The following ESR1 variants were observed in gnomAD, a reference collection of about 807,000 sequenced individuals.
ESR1 encodes estrogen receptor.
In ESR1, 12 loss-of-function variants were observed where a neutral mutation model predicts 52.7. The ratio of observed to expected loss-of-function variants is 0.23; its 90% CI spans 0.15 to 0.37. The LOEUF (loss-of-function observed/expected upper bound fraction) is 0.37, where lower values mean the gene tolerates loss of function less well. Among genes scored for constraint, ESR1 ranks in the 10% least tolerant of loss-of-function variants. The pLI, the probability that ESR1 is intolerant of heterozygous loss-of-function variation, is 1.00. For synonymous variants in ESR1, 305 were observed against 316.8 expected, an observed-to-expected ratio of 0.96 and a Z score of 0.39; for missense variants, 584 against 779.7, an observed-to-expected ratio of 0.75 and a Z score of 2.99.
intron 3 of ESR1, among the ~76,000 whole-genome samples, chr6:151,940,334 C>T (rs997869569): frequency 6.6e-6 from 1 of 152,222 alleles, no homozygotes; most frequent in African/African-American, 2.4e-5. Flanking sequence ...GATGGGGACA[C>T]AGCCAAACCA....
At position 152,018,262 on chromosome 6, in the gene ESR1, C is replaced by T. The variant is rs142888520; in HGVS notation, c.1235+6468C>T. On this transcript the variant is annotated intron_variant, in intron 5 of 7. Transcript: ENST00000206249. Reference sequence around the variant, plus strand: ...AAAAGTCATTCTCTACAAACAAGAACATTTTCATTTTAGGTTGTTTATTGT... The same window carrying T: ...AAAAGTCATTCTCTACAAACAAGAATATTTTCATTTTAGGTTGTTTATTGT... 8.0e-4 allele frequency among the ~76,000 whole-genome samples: 121 copies of T among 150,366 alleles called. 1 individual carries two copies. The highest frequency in any genetic ancestry group is 2.9e-3 in the African/African-American group (117 of 40,924).
chr6:151,853,320 C>A (rs1024692971), intron 2 of ESR1, among the ~76,000 whole-genome samples: 2 of 151,900 alleles, frequency 1.3e-5, no homozygotes, highest in African/African-American at 4.8e-5. Flanking sequence ...GAAAGACACA[C>A]CATGAAAGTC....
chr6:151,683,743 G>C (rs544342973), intron 1 of ESR1, among the ~76,000 whole-genome samples: 13 of 151,614 alleles, frequency 8.6e-5, no homozygotes, highest in South Asian at 4.2e-4. Context: ...CTGTCGCCCA[G>C]GCTAGAGTGC....
chr6:151,688,819 T>A (rs1778788126), upstream of ESR1, among the ~76,000 whole-genome samples: 1 of 152,198 alleles, frequency 6.6e-6, no homozygotes, highest in South Asian at 2.1e-4. Flanking sequence ...AAATACTATG[T>A]GATTTTATAT....
At chr6:151,870,619 C>T (rs1583833259) in intron 2 of ESR1, among the ~76,000 whole-genome samples, 1 of 152,114 alleles carries the variant, frequency 6.6e-6, no homozygotes, top group East Asian at 1.9e-4. Flanking sequence ...TCATTTTCTG[C>T]TTCTGTAACA....
At chr6:151,855,936 A>G (rs1023328675) in intron 2 of ESR1, among the ~76,000 whole-genome samples, 2 of 152,192 alleles carry the variant, frequency 1.3e-5, no homozygotes, top group African/African-American at 2.4e-5. Flanking sequence ...TCAATTCTGC[A>G]TGTGTGATAA....
intron 5 of ESR1, among the ~76,000 whole-genome samples, chr6:152,020,891 A>C (rs544576252): frequency 6.6e-6 from 1 of 152,304 alleles, no homozygotes; most frequent in South Asian, 2.1e-4. Flanking sequence ...TCTAGAATTA[A>C]GTTCTAATCT....
At chr6:152,110,590 C>A (rs1032588997) in intron 6 of ESR1, among the ~76,000 whole-genome samples, 1 of 152,064 alleles carries the variant, frequency 6.6e-6, no homozygotes, top group Non-Finnish European at 1.5e-5. Flanking sequence ...AGACTTAATA[C>A]CTGCGCGACA....
rs572812968 is a variant in ESR1, at chr6:151,749,977, A to G, written c.-71+47972A>G. ...AATGCTATGAAATACAATTTATGTA[A>G]GGTGTTAATTGACATGTCAGGTTTT... On this transcript the variant is annotated intron_variant, in intron 2 of 2. Transcript: ENST00000404742. Among the ~76,000 whole-genome samples the G allele has an allele frequency of 5.9e-5, 9 of 152,338 alleles. No individual in the cohort carries two copies. The East Asian group carries it at 1.7e-3, about 29-fold the overall frequency.
At chr6:152,065,310 A>G (rs548940481) in intron 6 of ESR1, among the ~76,000 whole-genome samples, 1 of 152,182 alleles carries the variant, frequency 6.6e-6, no homozygotes, top group Non-Finnish European at 1.5e-5. Flanking sequence ...TGAAAACTCT[A>G]TGGTGAATTG....
chr6:151,831,253 C>T (rs1210384988), intron 1 of ESR1, among the ~76,000 whole-genome samples: 1 of 151,970 alleles, frequency 6.6e-6, no homozygotes, highest in African/African-American at 2.4e-5. Flanking sequence ...AGCAATCTTC[C>T]CACCTCAACC....
intron 3 of ESR1, among the ~76,000 whole-genome samples, chr6:151,893,730 T>C (rs1795040944): frequency 6.6e-6 from 1 of 152,182 alleles, no homozygotes; most frequent in African/African-American, 2.4e-5. Flanking sequence ...AGCCAGATTT[T>C]AGTGCTCATT....
chr6:152,128,340 A>G (rs1273966701), exon 7 of ESR1: 2 of 152,326 alleles, frequency 1.3e-5, no homozygotes, highest in African/African-American at 4.8e-5. Flanking sequence ...AGCTCCCTGT[A>G]ACGATTTAGG....
rs1455996482 is a variant in ESR1 at position 152,127,292 on chromosome 6, C to G, written c.*1944C>G. On this transcript the variant is annotated 3_prime_UTR_variant, in exon 7 of 7. Transcript: ENST00000427531. Reference sequence around the variant, plus strand: ...ATCCTACATCTTTACACCTCTAATCCCCAGTGTCCTTGTCTATAAATTGGG... The same window carrying G: ...ATCCTACATCTTTACACCTCTAATCGCCAGTGTCCTTGTCTATAAATTGGG... The G allele has an allele frequency of 2.0e-5, 3 of 152,068 alleles. No homozygotes were observed. The East Asian group carries it at 5.8e-4, about 29-fold the overall frequency. 9.4% of individuals were successfully genotyped at this position (152,068 alleles called of 1,614,324 possible). A position where few individuals can be genotyped will look rare whatever the true frequency, so the allele number is the denominator to read the frequency against.
intron 6 of ESR1, among the ~76,000 whole-genome samples, chr6:152,116,368 T>C (rs572729242): frequency 6.6e-6 from 1 of 152,066 alleles, no homozygotes; most frequent in African/African-American, 2.4e-5. Flanking sequence ...TCTAACTCAG[T>C]GAGGATGATG....
chr6:151,982,965 C>A (rs1316370349), intron 4 of ESR1, among the ~76,000 whole-genome samples: 1 of 151,994 alleles, frequency 6.6e-6, no homozygotes, highest in African/African-American at 2.4e-5. Flanking sequence ...TTCACATAAC[C>A]AAGTTCTTCC....
chr6:151,853,010 A>C (rs1487550716), intron 2 of ESR1, among the ~76,000 whole-genome samples: 5 of 151,554 alleles, frequency 3.3e-5, no homozygotes, highest in Non-Finnish European at 5.9e-5. Flanking sequence ...CGTCTCTACT[A>C]AAAATACAAA....
intron 4 of ESR1, among the ~76,000 whole-genome samples, chr6:151,978,655 G>A (rs1314339853): frequency 6.6e-6 from 1 of 152,080 alleles, no homozygotes; most frequent in African/African-American, 2.4e-5. Flanking sequence ...AAAGGAAGAG[G>A]CAAGCAGATG....
chr6:151,928,216 TAA>T (rs1341929307), intron 3 of ESR1, among the ~76,000 whole-genome samples: 1 of 152,220 alleles, frequency 6.6e-6, no homozygotes, highest in African/African-American at 2.4e-5. Context: ...GAAAATATCA[TAA>T]GTCTTTTGAC....
Sources: allele counts gnomAD v4.1 joint callset (sites outside exome capture counted in the v4.1 genomes callset), GRCh38; gene constraint gnomAD v4.1.1; transcripts MANE v1.5; gene names NCBI Gene and HGNC (gene_info 2026-07-23, HGNC 2026-07-21).